Variants in COL22A1 observed in about 807,000 individuals in gnomAD.
The protein encoded by COL22A1 is collagen alpha-1(XXII) chain.
A neutral mutation model predicts 248.9 loss-of-function variants in COL22A1; 221 were observed. The observed-to-expected ratio is 0.89, with a 90% confidence interval of 0.80 to 0.99. COL22A1 has a LOEUF of 0.99. Among genes scored for constraint, COL22A1 ranks in the 50% least tolerant of loss-of-function variants. The probability of loss-of-function intolerance (pLI) is 0.00; values close to 1 mark genes in which losing one functional copy is unlikely to be tolerated. For synonymous variants in COL22A1, 891 were observed against 793.4 expected (o/e 1.12, Z -2.07); for missense variants, 2,240 against 2,179.0 (o/e 1.03, Z -0.56).
chr8:138,820,299 G>A (rs1432467146), intron 7 of COL22A1, among the ~76,000 whole-genome samples: 1 of 152,166 alleles, frequency 6.6e-6, no homozygotes, highest in Non-Finnish European at 1.5e-5. Flanking sequence ...CTCAGGCAGT[G>A]GGGGATGCTC....
chr8:138,654,725 A>C (rs1161393002), intron 45 of COL22A1, among the ~76,000 whole-genome samples: 1 of 152,184 alleles, frequency 6.6e-6, no homozygotes, highest in Non-Finnish European at 1.5e-5. Context: ...TCAACATTGA[A>C]GACCCCAGGT....
At position 138,685,310 on chromosome 8, in the gene COL22A1, AC is replaced by A; in HGVS notation, c.2864del (p.Gly955ValfsTer47). On this transcript the variant is annotated frameshift_variant and splice_region_variant, in exon 38 of 65. Transcript: ENST00000303045. LOFTEE classifies it high-confidence loss of function. ...CTGGGCTGCCTTCTTCCCCCGCTGC[AC>A]CCTGGAAAGAAAAGTAGACATTTCC... is the stretch of plus-strand genomic sequence containing the variant. The part of the protein sequence containing the change: ...PGKDGERGEK[G>X]AAGEEGSPGP... 6.2e-7 allele frequency: 1 copy of A among 1,613,090 alleles called. No homozygotes were observed. The highest frequency in any genetic ancestry group is 8.5e-7 in the Non-Finnish European group (1 of 1,179,482).
At chr8:138,601,977 T>C (rs904447173) in intron 60 of COL22A1, 138 bp downstream of exon 60, 2 of 812,756 alleles carry the variant, frequency 2.5e-6, no homozygotes, top group Non-Finnish European at 4.1e-6. Flanking sequence ...CAGGAAAAAG[T>C]GAACAAAATC....
intron 24 of COL22A1, 74 bp from the exon 25 acceptor site, chr8:138,724,742 G>A: frequency 1.4e-6 from 2 of 1,461,294 alleles, no homozygotes; most frequent in South Asian, 2.3e-5. Flanking sequence ...CCTCTTTCCT[G>A]GCATGGGCCC....
In COL22A1 at chr8:138,765,311, T is replaced by G. The variant is rs148465748; in HGVS notation, c.1804-2845A>C. ...GGGCTGGTGAGTGGACAAGGGTCTT[T>G]GAGCCCATGGACTCTCACCCTCTAC... is the stretch of plus-strand genomic sequence containing the variant. On this transcript the variant is annotated intron_variant, in intron 16 of 64. Transcript: ENST00000303045. 8.8e-3 allele frequency among the ~76,000 whole-genome samples: 1,346 copies of G among 152,266 alleles called. 8 individuals are homozygous for G. Among genetic ancestry groups the G allele is most frequent in the Middle Eastern group, 0.034 (10 of 294 alleles).
intron 63 of COL22A1, among the ~76,000 whole-genome samples, chr8:138,591,765 T>C (rs1817073965): frequency 6.6e-6 from 1 of 152,172 alleles, no homozygotes. Context: ...CCTAAACACA[T>C]ATCTACATAT....
chr8:138,764,184 T>C (rs12155713), intron 16 of COL22A1, among the ~76,000 whole-genome samples: 82,984 of 152,128 alleles, frequency 0.55, 24,564 homozygotes, highest in East Asian at 0.84. Flanking sequence ...TGTGGGTGCC[T>C]GCCCACCAGT....
At chr8:138,718,788 A>C (rs1448926408) in intron 27 of COL22A1, among the ~76,000 whole-genome samples, 1 of 152,262 alleles carries the variant, frequency 6.6e-6, no homozygotes, top group Admixed American at 6.5e-5. Flanking sequence ...AATTGAATAA[A>C]AATGACACAT....
chr8:138,860,132 C>A (rs1822338830), intron 3 of COL22A1, among the ~76,000 whole-genome samples: 2 of 152,200 alleles, frequency 1.3e-5, no homozygotes, highest in South Asian at 4.1e-4. Flanking sequence ...CCCTGTCCCT[C>A]TAGGTTTCTG....
chr8:138,596,782 T>C (rs1045210326), intron 62 of COL22A1, 122 bp downstream of exon 62: 6 of 845,300 alleles, frequency 7.1e-6, no homozygotes, highest in Non-Finnish European at 1.2e-5. Flanking sequence ...CCTGATAGTC[T>C]ACACTTGAGC....
At chr8:138,831,513 G>C (rs1406652642) in intron 5 of COL22A1, among the ~76,000 whole-genome samples, 1 of 152,162 alleles carries the variant, frequency 6.6e-6, no homozygotes, top group African/African-American at 2.4e-5. Flanking sequence ...GGTAGGTAAG[G>C]GGAAGGCCTG....
chr8:138,662,721 C>G lies in COL22A1; in HGVS notation c.3187-638G>C, dbSNP rs144816678. Among the ~76,000 whole-genome samples, 249 of 152,234 alleles carry G rather than the reference C, an allele frequency of 1.6e-3. 1 individual carries two copies. The highest frequency in any genetic ancestry group is 5.8e-3 in the African/African-American group (243 of 41,548). Reference sequence around the variant, plus strand: ...CATCTCCTGGGCCTTCACAGACCTCCTCTCACATGACCCCTCCATCTAGAG... The same window carrying G: ...CATCTCCTGGGCCTTCACAGACCTCGTCTCACATGACCCCTCCATCTAGAG... On this transcript the variant is annotated intron_variant, in intron 42 of 64. Coordinates refer to ENST00000303045, the MANE Select transcript of COL22A1 (RefSeq NM_152888.3).
intron 13 of COL22A1, among the ~76,000 whole-genome samples, chr8:138,780,724 G>A (rs1814888039): frequency 1.3e-5 from 2 of 152,156 alleles, no homozygotes; most frequent in Non-Finnish European, 2.9e-5. Flanking sequence ...ACAGGCAGGC[G>A]ATACCCGGGG....
intron 60 of COL22A1, among the ~76,000 whole-genome samples, chr8:138,599,561 T>A (rs1009445108): frequency 6.6e-6 from 1 of 151,616 alleles, no homozygotes; most frequent in African/African-American, 2.4e-5. Flanking sequence ...ATTAGCAAAA[T>A]TTTTTTTAAA....
Position 138,813,099 on chromosome 8 carries a change from G to A in COL22A1, c.1246-80C>T, listed in dbSNP as rs150420444. On this transcript the variant is annotated intron_variant, in intron 7 of 64. Coordinates refer to ENST00000303045, the MANE Select transcript of COL22A1 (RefSeq NM_152888.3). ...ACCTCCGTGGTTTCACACAGGCCCC[G>A]TCCTGGTATCTGGTTCCACTTCCTC... The A allele has an allele frequency of 2.1e-4, 219 of 1,058,596 alleles. 2 individuals are homozygous for A. In the East Asian group the frequency reaches 4.4e-3, roughly 21 times the overall value. The allele number at this position is 1,058,596 out of a possible 1,614,324, so 65.6% of individuals were successfully genotyped here. A position where few individuals can be genotyped will look rare whatever the true frequency, so the allele number is the denominator to read the frequency against.
At chr8:138,868,892 G>A (rs562110886) in intron 3 of COL22A1, among the ~76,000 whole-genome samples, 20 of 152,082 alleles carry the variant, frequency 1.3e-4, no homozygotes, top group South Asian at 1.0e-3. Context: ...CACCACACCC[G>A]GCTAATTTTT....
At chr8:138,691,504 C>CATGTGTGCATATTTGTGAAGGTGTGTGT (rs1349520611) in intron 35 of COL22A1, among the ~76,000 whole-genome samples, 1 of 75,106 alleles carries the variant, frequency 1.3e-5, no homozygotes, top group East Asian at 3.4e-4. Flanking sequence ...TGTGCACGTC[C>CATGTGTGCATATTTGTGAAGGTGTGTGT]ATGTGTGCAT....
At chr8:138,646,802 G>A (rs1822242397) in intron 46 of COL22A1, 120 bp from the exon 47 acceptor site, 6 of 687,720 alleles carry the variant, frequency 8.7e-6, no homozygotes, top group Non-Finnish European at 1.2e-5. Context: ...TGGGACTTCC[G>A]TCAGCTACCC....
intron 2 of COL22A1, among the ~76,000 whole-genome samples, chr8:138,882,595 C>A (rs1388703544): frequency 1.3e-5 from 2 of 150,774 alleles, no homozygotes; most frequent in Non-Finnish European, 3.0e-5. Flanking sequence ...GTCAAACTCA[C>A]ACACTCCCTC....
Sources: gnomAD v4.1 joint callset for allele counts (sites outside exome capture counted in the v4.1 genomes callset) on GRCh38, gnomAD v4.1.1 for gene constraint, MANE v1.5 for transcripts, NCBI Gene and HGNC (gene_info 2026-07-23, HGNC 2026-07-21) for gene names.